The following UNC5D variants were observed in gnomAD, a reference collection of about 807,000 sequenced individuals.
UNC5D encodes netrin receptor UNC5D.
UNC5D carries 39 observed loss-of-function variants against 105.4 expected under a neutral mutation model. That is an observed-to-expected ratio of 0.37 (90% CI 0.29 to 0.48). The LOEUF (loss-of-function observed/expected upper bound fraction) is 0.48, where lower values mean the gene tolerates loss of function less well. Ranked by LOEUF, UNC5D falls within the 20% of genes least tolerant of loss-of-function variation. The pLI, the probability that UNC5D is intolerant of heterozygous loss-of-function variation, is 0.98. For missense variants in UNC5D, 991 were observed against 1,202.4 expected (o/e 0.82, Z 2.60); for synonymous variants, 452 against 450.4 (o/e 1.00, Z -0.04).
chr8:35,375,568 A>G (rs555240874), intron 1 of UNC5D, among the ~76,000 whole-genome samples: 1 of 152,334 alleles, frequency 6.6e-6, no homozygotes, highest in South Asian at 2.1e-4. Context: ...AGTAACAAAT[A>G]AGATTAATGG....
intron 1 of UNC5D, among the ~76,000 whole-genome samples, chr8:35,538,819 C>CA (rs1302392589): frequency 6.6e-6 from 1 of 151,648 alleles, no homozygotes; most frequent in Non-Finnish European, 1.5e-5. Context: ...GGATGTAGGC[C>CA]AAAAAACAGT....
chr8:35,260,588 AG>A (rs1451199252), intron 1 of UNC5D, among the ~76,000 whole-genome samples: 1 of 152,136 alleles, frequency 6.6e-6, no homozygotes, highest in Non-Finnish European at 1.5e-5. Context: ...CTCAGACTCC[AG>A]AGTATCTGGG....
At chr8:35,329,046 A>T (rs886640942) in intron 1 of UNC5D, among the ~76,000 whole-genome samples, 6 of 152,116 alleles carry the variant, frequency 3.9e-5, no homozygotes, top group Non-Finnish European at 7.4e-5. Flanking sequence ...TCACTCATAA[A>T]GTCATGTTTT....
chr8:35,608,806 T>TTATC (rs10656888), intron 4 of UNC5D, among the ~76,000 whole-genome samples: 72,247 of 151,752 alleles, frequency 0.48, 20,889 homozygotes, highest in African/African-American at 0.83. Context: ...TACATTTTCT[T>TTATC]TAAATTCATT....
Position 35,601,857 on chromosome 8 carries a change from G to A in UNC5D, c.570+6200G>A, listed in dbSNP as rs183613865. On this transcript the variant is annotated intron_variant, in intron 4 of 16. Transcript: ENST00000404895. ...CTATGTTGAATAGGAGTGGTGAGAGGGCATCCCTGTCTTGTGCCAGATTTC... is the reference window on the plus strand; with the variant it reads ...CTATGTTGAATAGGAGTGGTGAGAGAGCATCCCTGTCTTGTGCCAGATTTC... Among the ~76,000 whole-genome samples, 942 of 151,992 alleles carry A rather than the reference G, an allele frequency of 6.2e-3. 5 individuals carry two copies. The highest frequency in any genetic ancestry group is 0.022 in the African/African-American group (909 of 41,480).
At chr8:35,357,071 G>A (rs1801598772) in intron 1 of UNC5D, among the ~76,000 whole-genome samples, 5 of 152,108 alleles carry the variant, frequency 3.3e-5, no homozygotes, top group African/African-American at 7.2e-5. Context: ...GGGCTACTGT[G>A]TTTCTCTTTT....
At chr8:35,378,650 T>G (rs1324853298) in intron 1 of UNC5D, among the ~76,000 whole-genome samples, 1 of 152,230 alleles carries the variant, frequency 6.6e-6, no homozygotes, top group Non-Finnish European at 1.5e-5. Context: ...TTGGAAGCCA[T>G]GTGGCCACAC....
intron 1 of UNC5D, among the ~76,000 whole-genome samples, chr8:35,397,544 T>A (rs1484958700): frequency 1.3e-5 from 2 of 152,214 alleles, no homozygotes; most frequent in African/African-American, 4.8e-5. Flanking sequence ...AGCAGATGCT[T>A]CTTGAGAACT....
At chr8:35,709,772 A>G (rs1000500938) in intron 8 of UNC5D, among the ~76,000 whole-genome samples, 3 of 152,184 alleles carry the variant, frequency 2.0e-5, no homozygotes, top group African/African-American at 7.2e-5. Flanking sequence ...CATTCTGGGT[A>G]GCTTGGGGAT....
rs879705632 is a variant in UNC5D at position 35,409,453 on chromosome 8, ATACTGGTTTCTCATGGTTTT to A, written c.104-139838_104-139819del. 8.8e-3 allele frequency among the ~76,000 whole-genome samples: 1,344 copies of A among 151,954 alleles called. 21 individuals carry two copies. The highest frequency in any genetic ancestry group is 0.077 in the South Asian group (370 of 4,784). On this transcript the variant is annotated intron_variant, in intron 1 of 16. Transcript: ENST00000404895. ...TTCATTTTATCCTTCTAATAGGTGG[ATACTGGTTTCTCATGGTTTT>A]AACTTAATTTTTTGTAATAACTCAT...
chr8:35,422,147 G>T (rs935182100), intron 1 of UNC5D, among the ~76,000 whole-genome samples: 4 of 152,202 alleles, frequency 2.6e-5, no homozygotes, highest in Admixed American at 6.5e-5. Flanking sequence ...CACTCTCCGA[G>T]CTGCCACCAG....
At chr8:35,640,592 C>T (rs993819958) in intron 4 of UNC5D, among the ~76,000 whole-genome samples, 2 of 152,136 alleles carry the variant, frequency 1.3e-5, no homozygotes, top group Admixed American at 6.5e-5. Context: ...CCCATTATTA[C>T]AGTCCTGCCT....
At position 35,790,259 on chromosome 8, in the gene UNC5D, A is replaced by G. The variant is rs1770922732; in HGVS notation, c.2658-100A>G. 1.5e-5 allele frequency: 19 copies of G among 1,277,794 alleles called. No individual in the cohort carries two copies. In the Admixed American group the frequency reaches 3.4e-4, roughly 23 times the overall value. 79.2% of individuals were successfully genotyped at this position (1,277,794 alleles called of 1,614,324 possible). A position where few individuals can be genotyped will look rare whatever the true frequency, so the allele number is the denominator to read the frequency against. ...AGCTTTTTATCCCTACTATAATAAC[A>G]TCTATTAAAATTCATTTTTAATTCT... is the stretch of plus-strand genomic sequence containing the variant. On this transcript the variant is annotated intron_variant, in intron 16 of 16. Transcript: ENST00000404895.
intron 4 of UNC5D, among the ~76,000 whole-genome samples, chr8:35,615,974 A>G (rs1159777694): frequency 6.6e-6 from 1 of 152,230 alleles, no homozygotes; most frequent in Non-Finnish European, 1.5e-5. Context: ...TTGTTGATAG[A>G]TAAATATACC....
At chr8:35,247,656 A>G (rs1355243909) in intron 1 of UNC5D, among the ~76,000 whole-genome samples, 1 of 47,612 alleles carries the variant, frequency 2.1e-5, no homozygotes, top group Non-Finnish European at 3.3e-5. Flanking sequence ...TATTATATAT[A>G]AAATATATAT....
chr8:35,379,260 G>A (rs1162236081), intron 1 of UNC5D, among the ~76,000 whole-genome samples: 1 of 152,114 alleles, frequency 6.6e-6, no homozygotes, highest in African/African-American at 2.4e-5. Context: ...TTTCTCTTCA[G>A]TCTTCTAGGA....
chr8:35,550,726 A>G (rs535056968), intron 2 of UNC5D, among the ~76,000 whole-genome samples: 1 of 152,274 alleles, frequency 6.6e-6, no homozygotes, highest in Admixed American at 6.5e-5. Flanking sequence ...TATACAGAAG[A>G]TTTGTTTCTT....
intron 1 of UNC5D, among the ~76,000 whole-genome samples, chr8:35,409,581 T>C (rs760613376): frequency 6.6e-6 from 1 of 151,608 alleles, no homozygotes; most frequent in Non-Finnish European, 1.5e-5. Flanking sequence ...TTGCTCATTT[T>C]TAAATTGGGA....
chr8:35,347,250 G>A (rs576177968), intron 1 of UNC5D, among the ~76,000 whole-genome samples: 3 of 152,110 alleles, frequency 2.0e-5, no homozygotes, highest in African/African-American at 7.2e-5. Context: ...CTGGCTCCAT[G>A]AGCCAATAAT....
Sources: allele counts gnomAD v4.1 joint callset (sites outside exome capture counted in the v4.1 genomes callset), GRCh38; gene constraint gnomAD v4.1.1; transcripts MANE v1.5; gene names NCBI Gene and HGNC (gene_info 2026-07-23, HGNC 2026-07-21).